The following ERP44 variants were observed in gnomAD, a reference collection of about 807,000 sequenced individuals.
The protein encoded by ERP44 is endoplasmic reticulum protein 44.
A neutral mutation model predicts 53.4 loss-of-function variants in ERP44; 25 were observed. The ratio of observed to expected loss-of-function variants is 0.47; its 90% confidence interval spans 0.34 to 0.65. The LOEUF (loss-of-function observed/expected upper bound fraction) is 0.65. Ranked by LOEUF, ERP44 falls within the 30% of genes least tolerant of loss-of-function variation. The pLI is 0.01. For synonymous variants in ERP44, 145 were observed against 161.2 expected, an observed-to-expected ratio of 0.90 and a Z score of 0.76; for missense variants, 338 against 493.2, an observed-to-expected ratio of 0.69 and a Z score of 2.98.
At chr9:100,012,885 G>GGACT (rs1467214106) in intron 8 of ERP44, among the ~76,000 whole-genome samples, 1 of 152,132 alleles carries the variant, frequency 6.6e-6, no homozygotes, top group Non-Finnish European at 1.5e-5. Flanking sequence ...GACTGGCTAA[G>GGACT]GACTTAAGGA....
chr9:100,060,785 CAAAGA>C (rs1327424343), intron 1 of ERP44, among the ~76,000 whole-genome samples: 2 of 152,098 alleles, frequency 1.3e-5, no homozygotes, highest in Admixed American at 1.3e-4. Flanking sequence ...ATCTACAAAA[CAAAGA>C]AAATATAAAA....
At chr9:99,991,682 GAT>G (rs1171954987) in intron 10 of ERP44, among the ~76,000 whole-genome samples, 1 of 151,606 alleles carries the variant, frequency 6.6e-6, no homozygotes, top group East Asian at 1.9e-4. Context: ...AAATGGAGGA[GAT>G]AGAGACACAA....
intron 4 of ERP44, 144 bp from the exon 5 acceptor site, chr9:100,022,370 T>C (rs943551213): frequency 3.3e-6 from 2 of 598,664 alleles, no homozygotes; most frequent in South Asian, 2.6e-5. Flanking sequence ...AAAATAATAA[T>C]AATCAGGACT....
chr9:100,009,481 C>T (rs767863762), intron 8 of ERP44, among the ~76,000 whole-genome samples: 6 of 152,134 alleles, frequency 3.9e-5, no homozygotes, highest in Non-Finnish European at 7.4e-5. Flanking sequence ...CTCCCCTCTC[C>T]CCACCCCCTG....
chr9:100,084,655 C>T (rs1826461962), intron 1 of ERP44, among the ~76,000 whole-genome samples: 1 of 152,046 alleles, frequency 6.6e-6, no homozygotes, highest in Non-Finnish European at 1.5e-5. Context: ...TTTAAAGATA[C>T]CAAGAAAACA....
intron 1 of ERP44, among the ~76,000 whole-genome samples, chr9:100,082,728 T>C (rs560494718): frequency 3.1e-4 from 45 of 146,622 alleles, no homozygotes; most frequent in Non-Finnish European, 8.9e-5. Flanking sequence ...GACGTGAAAC[T>C]TGCCAGATAT....
intron 4 of ERP44, among the ~76,000 whole-genome samples, chr9:100,051,275 T>C (rs967247967): frequency 3.3e-5 from 5 of 152,210 alleles, no homozygotes; most frequent in African/African-American, 1.2e-4. Context: ...AGGCATTTGG[T>C]CAGAAAATCA....
chr9:99,999,366 G>T (rs1363479766), intron 10 of ERP44, among the ~76,000 whole-genome samples: 1 of 152,124 alleles, frequency 6.6e-6, no homozygotes, highest in Non-Finnish European at 1.5e-5. Context: ...TTTGTCAGAC[G>T]TATAGATTGT....
chr9:99,988,584 GAGCTCCAATCTGC>G (rs1830220069), intron 10 of ERP44, among the ~76,000 whole-genome samples: 1 of 152,180 alleles, frequency 6.6e-6, no homozygotes, highest in Non-Finnish European at 1.5e-5. Flanking sequence ...CGAATAGGAA[GAGCTCCAATCTGC>G]AGCTCCCAGT....
At chr9:100,066,354 C>CA (rs1348851269) in intron 1 of ERP44, among the ~76,000 whole-genome samples, 2 of 151,674 alleles carry the variant, frequency 1.3e-5, no homozygotes, top group Non-Finnish European at 2.9e-5. Context: ...GTCTTCTGCT[C>CA]AAAAAAACAG....
At chr9:100,027,829 T>C (rs1465596413) in intron 4 of ERP44, among the ~76,000 whole-genome samples, 2 of 152,138 alleles carry the variant, frequency 1.3e-5, no homozygotes, top group Non-Finnish European at 2.9e-5. Flanking sequence ...AGTCTTATTG[T>C]TCTTCTGGTT....
At chr9:100,063,372 A>G (rs1203203325) in intron 1 of ERP44, among the ~76,000 whole-genome samples, 1 of 152,156 alleles carries the variant, frequency 6.6e-6, no homozygotes, top group Non-Finnish European at 1.5e-5. Context: ...TTAGCTTATC[A>G]TTAACATTTC....
At chr9:100,084,658 A>T (rs1341967749) in intron 1 of ERP44, among the ~76,000 whole-genome samples, 1 of 152,254 alleles carries the variant, frequency 6.6e-6, no homozygotes, top group Non-Finnish European at 1.5e-5. Flanking sequence ...AAAGATACCA[A>T]GAAAACATCT....
At chr9:99,991,566 AG>A (rs1382927453) in intron 10 of ERP44, among the ~76,000 whole-genome samples, 1 of 152,256 alleles carries the variant, frequency 6.6e-6, no homozygotes, top group African/African-American at 2.4e-5. Context: ...AAAGCAGGAA[AG>A]ATCTAAAATT....
At chr9:100,044,873 G>C (rs1825950359) in intron 4 of ERP44, among the ~76,000 whole-genome samples, 2 of 152,056 alleles carry the variant, frequency 1.3e-5, no homozygotes, top group Admixed American at 1.3e-4. Flanking sequence ...ACCCATTATA[G>C]ACTATTTAAA....
At chr9:100,077,603 G>A (rs147913845) in intron 1 of ERP44, among the ~76,000 whole-genome samples, 12 of 152,280 alleles carry the variant, frequency 7.9e-5, no homozygotes, top group Admixed American at 3.3e-4. Flanking sequence ...ACAACATTAC[G>A]TTCTGCTGGC....
At chr9:100,008,137 AT>A (rs1011276893) in intron 8 of ERP44, among the ~76,000 whole-genome samples, 1 of 152,138 alleles carries the variant, frequency 6.6e-6, no homozygotes, top group African/African-American at 2.4e-5. Flanking sequence ...GATTTGCAAA[AT>A]TTTTTGTATT....
intron 1 of ERP44, among the ~76,000 whole-genome samples, chr9:100,080,513 T>C (rs1188685874): frequency 6.6e-6 from 1 of 151,744 alleles, no homozygotes; most frequent in Non-Finnish European, 1.5e-5. Context: ...ATACATTCTG[T>C]CCTGCAAGGG....
intron 4 of ERP44, among the ~76,000 whole-genome samples, chr9:100,033,321 A>C (rs117399495): frequency 6.6e-6 from 1 of 152,138 alleles, no homozygotes; most frequent in South Asian, 2.1e-4. Context: ...CACCTTGTCT[A>C]CACAGTCCCT....
Sources: allele counts gnomAD v4.1 joint callset (sites outside exome capture counted in the v4.1 genomes callset), GRCh38; gene constraint gnomAD v4.1.1; transcripts MANE v1.5; gene names NCBI Gene and HGNC (gene_info 2026-07-23, HGNC 2026-07-21).